RPS6KC1: variants seen among roughly 807,000 people sequenced by gnomAD.
RPS6KC1 encodes the protein ribosomal protein S6 kinase C1.
RPS6KC1 carries 54 observed loss-of-function variants against 103.8 expected under a neutral mutation model. The observed-to-expected ratio is 0.52, with a 90% confidence interval of 0.42 to 0.65. The LOEUF (loss-of-function observed/expected upper bound fraction) is 0.65. Ranked by LOEUF, RPS6KC1 falls within the 30% of genes least tolerant of loss-of-function variation. RPS6KC1 has a pLI of 0.00. For synonymous variants in RPS6KC1, 439 were observed against 438.7 expected (o/e 1.00, Z -0.01); for missense variants, 1,151 against 1,253.8 (o/e 0.92, Z 1.24).
the RPS6KC1 span, among the ~76,000 whole-genome samples, chr1:213,808,124 C>A: frequency 6.6e-6 from 1 of 152,138 alleles, no homozygotes; most frequent in East Asian, 1.9e-4. Flanking sequence ...GCTGTCTGAT[C>A]GTTCCTCTGG....
chr1:213,071,715 T>G (rs553662526), intron 2 of RPS6KC1, among the ~76,000 whole-genome samples: 1 of 152,330 alleles, frequency 6.6e-6, no homozygotes, highest in African/African-American at 2.4e-5. Flanking sequence ...TTTTAAAGAT[T>G]CTAACAGTAA....
chr1:213,638,004 A>G, the RPS6KC1 span, among the ~76,000 whole-genome samples: 1 of 151,834 alleles, frequency 6.6e-6, no homozygotes, highest in Admixed American at 6.6e-5. Flanking sequence ...TTTTTTGTAG[A>G]GATGGAGTCT....
intron 2 of RPS6KC1, among the ~76,000 whole-genome samples, chr1:213,075,414 C>T (rs1263289290): frequency 6.6e-6 from 1 of 152,132 alleles, no homozygotes; most frequent in African/African-American, 2.4e-5. Flanking sequence ...TTAGAATCCT[C>T]ACATCTCACT....
the RPS6KC1 span, among the ~76,000 whole-genome samples, chr1:213,766,738 C>T: frequency 3.3e-5 from 5 of 152,092 alleles, no homozygotes; most frequent in African/African-American, 1.2e-4. Flanking sequence ...TCCCTGATTA[C>T]TCCTGTTCCT....
At chr1:213,152,845 G>A (rs959220269) in intron 6 of RPS6KC1, among the ~76,000 whole-genome samples, 2 of 152,208 alleles carry the variant, frequency 1.3e-5, no homozygotes, top group Admixed American at 6.5e-5. Context: ...GGTGGCGGCC[G>A]GGCAGAGGCT....
At chr1:213,225,082 A>G (rs973327586) in intron 8 of RPS6KC1, among the ~76,000 whole-genome samples, 4 of 152,212 alleles carry the variant, frequency 2.6e-5, no homozygotes, top group Admixed American at 2.0e-4. Flanking sequence ...TTTAAAGACT[A>G]TTGTTAACTA....
chr1:213,395,599 C>A, the RPS6KC1 span, among the ~76,000 whole-genome samples: 22 of 152,214 alleles, frequency 1.4e-4, no homozygotes, highest in East Asian at 4.1e-3. Context: ...ACCAGCATCC[C>A]AGGGGGAAAA....
At chr1:213,082,584 T>C (rs187272410) in intron 3 of RPS6KC1, among the ~76,000 whole-genome samples, 1 of 152,370 alleles carries the variant, frequency 6.6e-6, no homozygotes, top group Non-Finnish European at 1.5e-5. Flanking sequence ...TTAGCAACAC[T>C]GTTGCCTACA....
chr1:213,299,619 T>G, the RPS6KC1 span, among the ~76,000 whole-genome samples: 1 of 151,644 alleles, frequency 6.6e-6, no homozygotes, highest in African/African-American at 2.4e-5. Context: ...GTGGCCACAT[T>G]AAAAATATAA....
the RPS6KC1 span, among the ~76,000 whole-genome samples, chr1:213,744,792 G>T: frequency 6.6e-6 from 1 of 152,242 alleles, no homozygotes; most frequent in South Asian, 2.1e-4. Flanking sequence ...GGAAGGGAAG[G>T]TGTGTGCTGC....
At chr1:213,805,607 A>G in the RPS6KC1 span, among the ~76,000 whole-genome samples, 3 of 152,238 alleles carry the variant, frequency 2.0e-5, no homozygotes, top group Admixed American at 6.5e-5. Context: ...CTACATCTGC[A>G]GTTACTTCCT....
intron 4 of RPS6KC1, among the ~76,000 whole-genome samples, chr1:213,109,569 TGTA>T (rs1169450333): frequency 1.3e-5 from 2 of 152,198 alleles, no homozygotes; most frequent in Admixed American, 1.3e-4. Context: ...TTTTTTTCCA[TGTA>T]GTATTATGCT....
the RPS6KC1 span, among the ~76,000 whole-genome samples, chr1:213,755,302 T>C: frequency 1.3e-5 from 2 of 152,250 alleles, no homozygotes; most frequent in Non-Finnish European, 2.9e-5. Flanking sequence ...GAAGGCTCCA[T>C]GTCTCAGGAC....
chr1:213,382,680 C>T, the RPS6KC1 span, among the ~76,000 whole-genome samples: 6 of 152,146 alleles, frequency 3.9e-5, no homozygotes, highest in African/African-American at 1.4e-4. Context: ...GCAGGCCAAA[C>T]CAAGGTCAAG....
At chr1:213,813,557 C>T in the RPS6KC1 span, among the ~76,000 whole-genome samples, 24 of 152,310 alleles carry the variant, frequency 1.6e-4, no homozygotes, top group Admixed American at 2.6e-4. Flanking sequence ...TCAAATGCAT[C>T]GTTTAAAGTG....
the RPS6KC1 span, among the ~76,000 whole-genome samples, chr1:213,343,417 AT>A: frequency 1.4e-5 from 1 of 71,792 alleles, no homozygotes. Context: ...ATATATATAT[AT>A]ATATATATAT....
intron 8 of RPS6KC1, among the ~76,000 whole-genome samples, chr1:213,213,534 G>A (rs1327662069): frequency 6.6e-6 from 1 of 152,082 alleles, no homozygotes; most frequent in Non-Finnish European, 1.5e-5. Flanking sequence ...GCTATTCTGG[G>A]TCTTTTGCAT....
the RPS6KC1 span, among the ~76,000 whole-genome samples, chr1:213,776,661 C>T: frequency 1.3e-5 from 2 of 152,184 alleles, no homozygotes; most frequent in Admixed American, 6.5e-5. Context: ...ACATTAGCTT[C>T]CACTTAAGTC....
the RPS6KC1 span, among the ~76,000 whole-genome samples, chr1:213,685,124 C>CA: frequency 1.3e-5 from 2 of 152,094 alleles, no homozygotes; most frequent in Non-Finnish European, 2.9e-5. Flanking sequence ...AAAATGCTGT[C>CA]AACATTACAT....
Sources: allele counts gnomAD v4.1 joint callset (sites outside exome capture counted in the v4.1 genomes callset), GRCh38; gene constraint gnomAD v4.1.1; transcripts MANE v1.5; gene names NCBI Gene and HGNC (gene_info 2026-07-23, HGNC 2026-07-21).